The following MTERF4 variants were observed in gnomAD, a reference collection of about 807,000 sequenced individuals.
MTERF4 encodes transcription termination factor 4, mitochondrial.
In MTERF4, 17 loss-of-function variants were observed where a neutral mutation model predicts 22.5. The ratio of observed to expected loss-of-function variants is 0.75; its 90% CI spans 0.52 to 1.13. The LOEUF (loss-of-function observed/expected upper bound fraction) is 1.13. Ranked by LOEUF, MTERF4 falls within the 50% of genes most tolerant of loss-of-function variation. MTERF4 has a pLI of 0.00. For synonymous variants in MTERF4, 165 were observed against 175.3 expected (o/e 0.94, Z 0.47); for missense variants, 420 against 466.8 (o/e 0.90, Z 0.92).
chr2:241,064,967 G>A, the MTERF4 span: 7 of 1,561,270 alleles, frequency 4.5e-6, no homozygotes, highest in South Asian at 2.4e-5. This position sits in a 1 kb window ranked among gnomAD's most constrained non-coding sequence, Gnocchi z 7.0. Context: ...GGTGGGTGGC[G>A]AGGGCGCCTC....
the MTERF4 span, chr2:241,050,018 T>C: frequency 5.9e-6 from 6 of 1,018,196 alleles, no homozygotes; most frequent in African/African-American, 4.7e-5. Flanking sequence ...GCTGTCTCTC[T>C]CCTTGTTTCG....
the MTERF4 span, chr2:241,063,787 C>A: frequency 9.9e-7 from 1 of 1,014,382 alleles, no homozygotes; most frequent in Non-Finnish European, 1.4e-6. Flanking sequence ...ACATTCCCTG[C>A]TGGGCAGGCC....
chr2:241,053,610 C>T, the MTERF4 span, among the ~76,000 whole-genome samples: 137,432 of 152,284 alleles, frequency 0.9, 62,170 homozygotes, highest in African/African-American at 0.97. Flanking sequence ...GCAGATGCAG[C>T]AGCTGAGGCC....
At chr2:241,083,939 CCTTTTTT>C (rs1363337026), downstream of MTERF4, among the ~76,000 whole-genome samples, 6 of 134,810 alleles carry the variant, frequency 4.5e-5, no homozygotes, top group Non-Finnish European at 9.8e-5. Flanking sequence ...GCTTTTTGTT[CCTTTTTT>C]CTTTTTTCCT....
At chr2:241,068,142 G>T (rs1185411957), downstream of MTERF4, among the ~76,000 whole-genome samples, 2 of 152,182 alleles carry the variant, frequency 1.3e-5, no homozygotes, top group Non-Finnish European at 2.9e-5. This position sits in a 1 kb window ranked among gnomAD's most constrained non-coding sequence, Gnocchi z 5.3. Context: ...ACCTCATCAG[G>T]GCTGCCAAGA....
downstream of MTERF4, chr2:241,067,638 G>C: frequency 1.4e-6 from 1 of 718,186 alleles, no homozygotes; most frequent in Non-Finnish European, 2.3e-6. Context: ...GCAGTTGATG[G>C]GACACCCTCT....
chr2:241,089,868 A>G (rs755218305), downstream of MTERF4: 11 of 1,469,198 alleles, frequency 7.5e-6, no homozygotes, highest in African/African-American at 1.4e-5. Flanking sequence ...GCTACACACC[A>G]CAGCGTGTTA....
downstream of MTERF4, chr2:241,082,233 G>A (rs751819438): frequency 1.1e-5 from 17 of 1,499,212 alleles, no homozygotes; most frequent in Non-Finnish European, 1.5e-5. Context: ...GGCAGGAGGA[G>A]CCGTCAGGAG....
downstream of MTERF4, chr2:241,093,126 G>A (rs546009334): frequency 2.0e-5 from 3 of 152,620 alleles, no homozygotes; most frequent in South Asian, 2.1e-4. Context: ...GGCAATTCGC[G>A]AAGTTTCACC....
chr2:241,080,035 A>G (rs752939503), intron 4 of MTERF4, among the ~76,000 whole-genome samples: 97 of 152,240 alleles, frequency 6.4e-4, no homozygotes, highest in Non-Finnish European at 4.6e-4. Flanking sequence ...CTGTAATCCC[A>G]GCACTTTGGG....
chr2:241,049,089 C>T, the MTERF4 span: 18 of 1,612,870 alleles, frequency 1.1e-5, no homozygotes, highest in Non-Finnish European at 1.5e-5. Context: ...TGGAGCACGG[C>T]GGGAGCTACC....
the MTERF4 span, chr2:241,049,685 G>A: frequency 7.6e-6 from 5 of 655,662 alleles, no homozygotes; most frequent in African/African-American, 9.0e-5. Flanking sequence ...TGCCCACAGA[G>A]TGTATTTTCA....
the MTERF4 span, chr2:241,048,191 G>A: frequency 8.5e-7 from 1 of 1,182,002 alleles, no homozygotes; most frequent in Admixed American, 3.0e-5. Flanking sequence ...TAAGCTTCTG[G>A]CTTAAATTCC....
the MTERF4 span, chr2:241,052,013 G>A: frequency 6.2e-7 from 1 of 1,601,378 alleles, no homozygotes; most frequent in Non-Finnish European, 8.6e-7. Flanking sequence ...GCAGTGGGCT[G>A]TGACCCTGAC....
chr2:241,051,594 C>G, the MTERF4 span: 1 of 582,516 alleles, frequency 1.7e-6, no homozygotes, highest in Non-Finnish European at 2.9e-6. The surrounding 1 kb of genome is among the most constrained non-coding windows in gnomAD (Gnocchi z 4.7). Context: ...GTGTGCGGAC[C>G]TGCTTGGCCC....
the MTERF4 span, among the ~76,000 whole-genome samples, chr2:241,066,124 C>T: frequency 1.3e-5 from 2 of 152,264 alleles, no homozygotes; most frequent in East Asian, 3.9e-4. Flanking sequence ...AGAGCCTCCA[C>T]CTGGAGCTGG....
chr2:241,053,022 CT>C, the MTERF4 span: 1 of 855,686 alleles, frequency 1.2e-6, no homozygotes. Flanking sequence ...GTCGAGGCAC[CT>C]TTCCCCGGTG....
Position 241,081,585 on chromosome 2 carries a change from A to ATCGGG in MTERF4, n.480-5904_480-5903insCCCGA, listed in dbSNP as rs1559309358. Reference sequence around the variant, plus strand: ...ACAGAGGAGTGCACGGCCACCCTGCATCAGGTCATCAAGGAAGGGACAGCA... The same window carrying ATCGGG: ...ACAGAGGAGTGCACGGCCACCCTGCATCGGGTCAGGTCATCAAGGAAGGGACAGCA... On this transcript the variant is annotated intron_variant and non_coding_transcript_variant, in intron 4 of 4. Transcript: ENST00000464344. 18 of 927,780 alleles carry ATCGGG rather than the reference A, an allele frequency of 1.9e-5. No homozygotes were observed. The East Asian group carries it at 4.9e-4, about 25-fold the overall frequency. The allele number at this position is 927,780 out of a possible 1,614,324, so 57.5% of individuals were successfully genotyped here.
downstream of MTERF4, chr2:241,071,411 A>T (rs574823642): frequency 6.8e-4 from 498 of 735,950 alleles, 2 homozygotes; most frequent in Admixed American, 5.5e-3. Context: ...AACCCAGGGC[A>T]TCTGGGGAAG....
Sources: gnomAD v4.1 joint callset for allele counts (sites outside exome capture counted in the v4.1 genomes callset) on GRCh38, gnomAD v4.1.1 for gene constraint, Gnocchi (gnomAD v3.1) non-coding constraint, MANE v1.5 for transcripts, NCBI Gene and HGNC (gene_info 2026-07-23, HGNC 2026-07-21) for gene names.